Variants in CAMTA1 observed in about 807,000 individuals in gnomAD.
The protein encoded by CAMTA1 is calmodulin-binding transcription activator 1.
A neutral mutation model predicts 170.9 loss-of-function variants in CAMTA1; 27 were observed. That is an observed-to-expected ratio of 0.16 (90% CI 0.12 to 0.22). The LOEUF (loss-of-function observed/expected upper bound fraction) is 0.22, where lower values mean the gene tolerates loss of function less well. Ranked by LOEUF, CAMTA1 falls within the 10% of genes least tolerant of loss-of-function variation. The pLI, the probability that CAMTA1 is intolerant of heterozygous loss-of-function variation, is 1.00. For missense variants in CAMTA1, 1,619 were observed against 2,217.2 expected (o/e 0.73, Z 5.42); for synonymous variants, 833 against 891.5 (o/e 0.93, Z 1.17).
Position 7,193,225 on chromosome 1 carries a change from G to A in CAMTA1, c.303-56266G>A, listed in dbSNP as rs777395031. ...AAATTAGCAGGGTATGGTGGCAGGC[G>A]TCTGTAATCCCAGCTACTCGGGAGC... On this transcript the variant is annotated intron_variant, in intron 4 of 22. Coordinates refer to ENST00000303635, the MANE Select transcript of CAMTA1 (RefSeq NM_015215.4). Among the ~76,000 whole-genome samples the A allele has an allele frequency of 1.1e-4, 17 of 151,920 alleles. 1 individual carries two copies. The highest frequency in any genetic ancestry group is 5.2e-4 in the Admixed American group (8 of 15,268).
intron 5 of CAMTA1, among the ~76,000 whole-genome samples, chr1:7,384,511 A>AT (rs2087714546): frequency 6.6e-6 from 1 of 152,176 alleles, no homozygotes; most frequent in South Asian, 2.1e-4. Flanking sequence ...TCCGTGGCTA[A>AT]TTTTTTGGCG....
chr1:7,297,180 A>G (rs1557464199), intron 5 of CAMTA1, among the ~76,000 whole-genome samples: 1 of 152,230 alleles, frequency 6.6e-6, no homozygotes, highest in East Asian at 1.9e-4. Flanking sequence ...TGAACATGGT[A>G]TATCTCTATT....
intron 11 of CAMTA1, among the ~76,000 whole-genome samples, chr1:7,729,114 C>CTTTTTTTTTTTTTTTTTTT (rs146252158): frequency 7.0e-6 from 1 of 142,280 alleles, no homozygotes; most frequent in Non-Finnish European, 1.5e-5. Context: ...TATGAGGAAT[C>CTTTTTTTTTTTTTTTTTTT]TTTTTTTTTC....
chr1:7,143,954 T>C (rs1420397001), intron 4 of CAMTA1, among the ~76,000 whole-genome samples: 1 of 152,240 alleles, frequency 6.6e-6, no homozygotes, highest in Non-Finnish European at 1.5e-5. Context: ...ACAAAGCCAC[T>C]CTGTGTGTCA....
At chr1:7,351,673 G>A (rs530603316) in intron 5 of CAMTA1, among the ~76,000 whole-genome samples, 2 of 152,288 alleles carry the variant, frequency 1.3e-5, no homozygotes, top group East Asian at 1.9e-4. Context: ...CGAGGGCATC[G>A]TCCCCTCTCA....
chr1:7,069,190 G>A (rs1244235231), intron 3 of CAMTA1, among the ~76,000 whole-genome samples: 3 of 152,182 alleles, frequency 2.0e-5, no homozygotes, highest in African/African-American at 7.2e-5. Context: ...CCTTCACCAC[G>A]AAGAGGCCGT....
intron 6 of CAMTA1, among the ~76,000 whole-genome samples, chr1:7,589,131 G>A (rs998181026): frequency 1.3e-5 from 2 of 152,200 alleles, no homozygotes; most frequent in Non-Finnish European, 2.9e-5. Context: ...GGAGAAAGAC[G>A]CTTGCCCCAG....
intron 6 of CAMTA1, among the ~76,000 whole-genome samples, chr1:7,629,381 A>G (rs1488132720): frequency 6.6e-6 from 1 of 152,176 alleles, no homozygotes; most frequent in Non-Finnish European, 1.5e-5. Context: ...ACAACTCCTT[A>G]TGGATCAGCC....
chr1:7,188,148 C>T (rs1290675308), intron 4 of CAMTA1, among the ~76,000 whole-genome samples: 1 of 152,118 alleles, frequency 6.6e-6, no homozygotes, highest in Non-Finnish European at 1.5e-5. Context: ...CTGACAACAG[C>T]ATGGTGGGGG....
chr1:6,880,383 GTTTTTTTTTTT>G (rs34745856), intron 3 of CAMTA1, among the ~76,000 whole-genome samples: 2 of 67,206 alleles, frequency 3.0e-5, no homozygotes, highest in South Asian at 6.3e-4. Context: ...CTCTAAAAGT[GTTTTTTTTTTT>G]TTTTTTTTTT....
chr1:7,750,004 T>C (rs891397496), intron 19 of CAMTA1, among the ~76,000 whole-genome samples: 1 of 152,184 alleles, frequency 6.6e-6, no homozygotes, highest in Non-Finnish European at 1.5e-5. Context: ...TGGACATTTT[T>C]TGGCTGGTGT....
In CAMTA1 at chr1:7,681,531, A is replaced by G. The variant is rs2096205460; in HGVS notation, c.2914+3798A>G. ...ATTTCCTCTGTCCTGACCTGACCCC[A>G]GGCCATTTGCACAGGACCCCAGGGA... On this transcript the variant is annotated intron_variant, in intron 11 of 22. Transcript: ENST00000303635. This position sits in a 1 kb window ranked among gnomAD's most constrained non-coding sequence, Gnocchi z 4.6. Among the ~76,000 whole-genome samples the G allele has an allele frequency of 6.6e-6, 1 of 152,208 alleles. No individual in the cohort carries two copies. The highest frequency in any genetic ancestry group is 2.4e-5 in the African/African-American group (1 of 41,456).
intron 11 of CAMTA1, among the ~76,000 whole-genome samples, chr1:7,720,446 A>G (rs2096642194): frequency 6.6e-6 from 1 of 152,020 alleles, no homozygotes; most frequent in South Asian, 2.1e-4. Flanking sequence ...CAGTGGTGCA[A>G]TCTCGGCTCA....
chr1:7,351,811 A>G (rs2084694968), intron 5 of CAMTA1, among the ~76,000 whole-genome samples: 1 of 152,236 alleles, frequency 6.6e-6, no homozygotes. Context: ...AGATATGATT[A>G]CAGTATATTA....
chr1:6,994,349 G>A lies in CAMTA1; in HGVS notation c.235-96955G>A, dbSNP rs545999015. 3.0e-4 allele frequency among the ~76,000 whole-genome samples: 45 copies of A among 152,118 alleles called. No homozygotes were observed. The Middle Eastern group carries it at 0.014, about 46-fold the overall frequency. ...AATTTCATTTAACTTTATTTCATAG[G>A]GAAGATTTGCTGGTGGTGAATTTTC... On this transcript the variant is annotated intron_variant, in intron 3 of 22. Coordinates refer to ENST00000303635, the MANE Select transcript of CAMTA1 (RefSeq NM_015215.4).
At chr1:6,962,427 GCCCACCCTTTCTATAGC>G (rs1690608710) in intron 3 of CAMTA1, among the ~76,000 whole-genome samples, 2 of 134,456 alleles carry the variant, frequency 1.5e-5, no homozygotes, top group Non-Finnish European at 1.6e-5. Flanking sequence ...TCTTCCCCGG[GCCCACCCTTTCTATAGC>G]CCCACCCTTT....
At chr1:7,164,865 C>T (rs1332210150) in intron 4 of CAMTA1, among the ~76,000 whole-genome samples, 4 of 152,068 alleles carry the variant, frequency 2.6e-5, no homozygotes, top group Non-Finnish European at 4.4e-5. Context: ...ATATTTATGC[C>T]CTCTTTGTTT....
chr1:7,301,698 G>A (rs538492110), intron 5 of CAMTA1, among the ~76,000 whole-genome samples: 15 of 152,186 alleles, frequency 9.9e-5, no homozygotes, highest in Non-Finnish European at 2.2e-4. Flanking sequence ...CAGACATGAT[G>A]AGTGCTGGGG....
chr1:7,060,145 A>G (rs1385189396), intron 3 of CAMTA1, among the ~76,000 whole-genome samples: 1 of 152,204 alleles, frequency 6.6e-6, no homozygotes, highest in Admixed American at 6.5e-5. Flanking sequence ...AGGGGGTGGT[A>G]TGAGTATGCT....
Sources: gnomAD v4.1 joint callset for allele counts (sites outside exome capture counted in the v4.1 genomes callset) on GRCh38, gnomAD v4.1.1 for gene constraint, Gnocchi (gnomAD v3.1) non-coding constraint, MANE v1.5 for transcripts, NCBI Gene and HGNC (gene_info 2026-07-23, HGNC 2026-07-21) for gene names.